Variants in UGT1A10 observed in about 807,000 individuals in gnomAD.
UGT1A10 encodes UDP glucuronosyltransferase family 1 member A10, also known as UDP-glucuronosyltransferase 1A10.
Under a neutral mutation model 45.8 loss-of-function variants are expected in UGT1A10, and 49 were observed. The observed-to-expected ratio is 1.07, with a 90% confidence interval of 0.85 to 1.36. The LOEUF is 1.36. Ranked by LOEUF, UGT1A10 falls within the 40% of genes most tolerant of loss-of-function variation. The probability of loss-of-function intolerance (pLI) is 0.00; values close to 1 mark genes in which losing one functional copy is unlikely to be tolerated. For synonymous variants in UGT1A10, 284 were observed against 249.7 expected (o/e 1.14, Z -1.29); for missense variants, 745 against 668.6 (o/e 1.11, Z -1.26).
chr2:233,675,755 A>G (rs1242728659), intron 1 of UGT1A10, among the ~76,000 whole-genome samples: 1 of 152,198 alleles, frequency 6.6e-6, no homozygotes, highest in Non-Finnish European at 1.5e-5. Flanking sequence ...CCTTTATTCT[A>G]TCTTTTTAAA....
intron 1 of UGT1A10, among the ~76,000 whole-genome samples, chr2:233,640,525 T>C (rs1036409057): frequency 6.6e-6 from 1 of 152,208 alleles, no homozygotes; most frequent in Non-Finnish European, 1.5e-5. Context: ...ATACAACATC[T>C]TTTTATGTTG....
At chr2:233,759,537 C>T (rs1642121675) in intron 1 of UGT1A10, among the ~76,000 whole-genome samples, 1 of 152,180 alleles carries the variant, frequency 6.6e-6, no homozygotes, top group South Asian at 2.1e-4. Context: ...CTTCTGTTCA[C>T]ATGCGCTCCA....
intron 1 of UGT1A10, chr2:233,761,067 T>C (rs1431222562): frequency 6.2e-7 from 1 of 1,614,228 alleles, no homozygotes; most frequent in African/African-American, 1.3e-5. Flanking sequence ...GAAGTGACTT[T>C]GTGAAGGATT....
chr2:233,721,853 G>A, intron 1 of UGT1A10: 2 of 512,954 alleles, frequency 3.9e-6, no homozygotes, highest in South Asian at 2.8e-5. Flanking sequence ...CAGCCCCACT[G>A]CTCGGCCCTG....
intron 1 of UGT1A10, chr2:233,648,260 A>T: frequency 1.6e-6 from 1 of 621,924 alleles, no homozygotes. Flanking sequence ...AGTTCTTTTG[A>T]TGCGGTGTTT....
chr2:233,729,484 A>C, intron 1 of UGT1A10: 1 of 1,614,190 alleles, frequency 6.2e-7, no homozygotes, highest in Non-Finnish European at 8.5e-7. Context: ...GTTGAACAAT[A>C]TGTCTTTGGT....
At chr2:233,677,578 G>A (rs1482544304) in intron 1 of UGT1A10, among the ~76,000 whole-genome samples, 1 of 152,142 alleles carries the variant, frequency 6.6e-6, no homozygotes, top group African/African-American at 2.4e-5. Flanking sequence ...ATGAAAAAAT[G>A]CTCAACATCA....
chr2:233,644,927 T>A (rs944477325), intron 1 of UGT1A10, among the ~76,000 whole-genome samples: 1 of 152,190 alleles, frequency 6.6e-6, no homozygotes, highest in African/African-American at 2.4e-5. Flanking sequence ...TTTTCCAGTA[T>A]TGACAATCCT....
At chr2:233,751,284 C>T (rs2125910404) in intron 1 of UGT1A10, among the ~76,000 whole-genome samples, 1 of 152,008 alleles carries the variant, frequency 6.6e-6, no homozygotes, top group East Asian at 1.9e-4. Flanking sequence ...CCAGTTTCTC[C>T]CATTTGGAAT....
intron 1 of UGT1A10, chr2:233,690,424 A>G: frequency 4.8e-6 from 6 of 1,244,126 alleles, no homozygotes; most frequent in Non-Finnish European, 6.3e-6. Flanking sequence ...ACCTTCATGC[A>G]CATCTTTGGG....
intron 1 of UGT1A10, among the ~76,000 whole-genome samples, chr2:233,667,004 A>G (rs1258502938): frequency 6.6e-6 from 1 of 152,168 alleles, no homozygotes; most frequent in Non-Finnish European, 1.5e-5. Flanking sequence ...GCTGCATAGT[A>G]TTCCATGGTG....
intron 1 of UGT1A10, chr2:233,743,535 C>T: frequency 7.3e-7 from 1 of 1,367,194 alleles, no homozygotes; most frequent in Non-Finnish European, 9.8e-7. Flanking sequence ...CCCAGCAGTT[C>T]CTCTGACCCC....
chr2:233,674,984 T>C (rs1306114636), intron 1 of UGT1A10, among the ~76,000 whole-genome samples: 1 of 152,226 alleles, frequency 6.6e-6, no homozygotes, highest in Non-Finnish European at 1.5e-5. Context: ...CTGTGTCTTA[T>C]CTGTCTGATG....
At chr2:233,736,574 T>G (rs2078777492) in intron 1 of UGT1A10, among the ~76,000 whole-genome samples, 2 of 152,254 alleles carry the variant, frequency 1.3e-5, no homozygotes, top group South Asian at 4.1e-4. Flanking sequence ...GCTGTGATCC[T>G]TTGGAGGAGA....
chr2:233,736,824 CTT>C (rs2078816334), intron 1 of UGT1A10, among the ~76,000 whole-genome samples: 1 of 152,316 alleles, frequency 6.6e-6, no homozygotes, highest in South Asian at 2.1e-4. Context: ...TCCAGATGCT[CTT>C]TGCTTTGGTA....
At chr2:233,665,776 A>G (rs1422421371) in intron 1 of UGT1A10, among the ~76,000 whole-genome samples, 1 of 152,202 alleles carries the variant, frequency 6.6e-6, no homozygotes, top group Non-Finnish European at 1.5e-5. Flanking sequence ...TACAGGAAGT[A>G]TTTTATTCTT....
In UGT1A10 at chr2:233,719,159, T is replaced by C. The variant is rs28898610; in HGVS notation, c.856-47875T>C. 5.1e-4 allele frequency: 822 copies of C among 1,614,244 alleles called. 5 individuals are homozygous for C. The African/African-American group carries it at 9.5e-3, about 19-fold the overall frequency. ...ATCTTCTGAAGAGATATTCTAGAAG[T>C]ATGGCAATTATGAACAATGTATCTT... On this transcript the variant is annotated intron_variant, in intron 1 of 4. Transcript: ENST00000344644.
chr2:233,640,298 C>G (rs1205205531), intron 1 of UGT1A10, among the ~76,000 whole-genome samples: 30 of 152,146 alleles, frequency 2.0e-4, no homozygotes, highest in Non-Finnish European at 5.9e-5. Context: ...ATTAATTCAT[C>G]TATCCCCTTA....
intron 1 of UGT1A10, among the ~76,000 whole-genome samples, chr2:233,653,465 C>A (rs2073786495): frequency 6.6e-6 from 1 of 152,178 alleles, no homozygotes; most frequent in South Asian, 2.1e-4. Context: ...CTTGTGCACT[C>A]AGGTTTGCAG....
Sources: gnomAD v4.1 joint callset for allele counts (sites outside exome capture counted in the v4.1 genomes callset) on GRCh38, gnomAD v4.1.1 for gene constraint, MANE v1.5 for transcripts, NCBI Gene and HGNC (gene_info 2026-07-23, HGNC 2026-07-21) for gene names.